Variants in ST6GALNAC3 observed in about 807,000 individuals in gnomAD.
ST6GALNAC3 encodes the protein alpha-N-acetylgalactosaminide alpha-2,6-sialyltransferase 3.
Under a neutral mutation model 32.7 loss-of-function variants are expected in ST6GALNAC3, and 25 were observed. The observed-to-expected ratio is 0.76, with a 90% CI of 0.56 to 1.07. ST6GALNAC3 has a LOEUF of 1.07. Among genes scored for constraint, ST6GALNAC3 ranks in the 50% least tolerant of loss-of-function variants. The probability of loss-of-function intolerance (pLI) is 0.00; values close to 1 mark genes in which losing one functional copy is unlikely to be tolerated. For missense variants in ST6GALNAC3, 355 were observed against 382.4 expected, an observed-to-expected ratio of 0.93 and a Z score of 0.60; for synonymous variants, 129 against 133.1, an observed-to-expected ratio of 0.97 and a Z score of 0.21.
At chr1:76,290,262 A>T (rs990819212) in intron 1 of ST6GALNAC3, among the ~76,000 whole-genome samples, 8 of 152,246 alleles carry the variant, frequency 5.3e-5, no homozygotes, top group African/African-American at 1.7e-4. Context: ...TATTTTAAAA[A>T]GTACACTATT....
intron 1 of ST6GALNAC3, among the ~76,000 whole-genome samples, chr1:76,199,333 T>C (rs1570406769): frequency 6.6e-6 from 1 of 152,232 alleles, no homozygotes; most frequent in Non-Finnish European, 1.5e-5. Context: ...GGCTTTATAA[T>C]GGAGACACAT....
At chr1:76,467,282 G>C (rs1658700617) in intron 3 of ST6GALNAC3, among the ~76,000 whole-genome samples, 1 of 151,926 alleles carries the variant, frequency 6.6e-6, no homozygotes, top group African/African-American at 2.4e-5. Context: ...TTGTGGCCAT[G>C]AACCGTGAAA....
chr1:76,126,503 A>G (rs1201218133), intron 1 of ST6GALNAC3, among the ~76,000 whole-genome samples: 2 of 150,206 alleles, frequency 1.3e-5, no homozygotes, highest in Admixed American at 1.3e-4. Context: ...CCTTGTAGAC[A>G]TAAGTGAATA....
In ST6GALNAC3 at chr1:76,169,112, G is replaced by A. The variant is rs146294212; in HGVS notation, c.18+94228G>A. Among the ~76,000 whole-genome samples, 98 of 152,160 alleles carry A rather than the reference G, an allele frequency of 6.4e-4. 3 individuals are homozygous for A. The highest frequency in any genetic ancestry group is 3.4e-3 in the Middle Eastern group (1 of 294). On this transcript the variant is annotated intron_variant, in intron 1 of 4. Coordinates refer to ENST00000328299, the MANE Select transcript of ST6GALNAC3 (RefSeq NM_152996.4). ...TAATGCTTTCCTTTCCATATTTAGCGTTTCCTTCATGAGCTGTTGTAAGGT... is the reference window on the plus strand; with the variant it reads ...TAATGCTTTCCTTTCCATATTTAGCATTTCCTTCATGAGCTGTTGTAAGGT...
intron 1 of ST6GALNAC3, among the ~76,000 whole-genome samples, chr1:76,246,038 G>C (rs1657238019): frequency 6.6e-6 from 1 of 152,170 alleles, no homozygotes; most frequent in Non-Finnish European, 1.5e-5. Context: ...TTGCATGGAA[G>C]TCTAAGTGTC....
intron 1 of ST6GALNAC3, among the ~76,000 whole-genome samples, chr1:76,272,588 T>C (rs74092742): frequency 0.042 from 6,393 of 152,252 alleles, 443 homozygotes; most frequent in African/African-American, 0.15. Flanking sequence ...TCCTCCTTGG[T>C]GCTGCTCTGA....
At chr1:76,583,050 A>G (rs1646913846) in intron 3 of ST6GALNAC3, among the ~76,000 whole-genome samples, 1 of 152,192 alleles carries the variant, frequency 6.6e-6, no homozygotes, top group Non-Finnish European at 1.5e-5. Context: ...CTGTTAATAT[A>G]TAATTTTTCA....
chr1:76,285,476 G>C (rs1659726806), intron 1 of ST6GALNAC3, among the ~76,000 whole-genome samples: 1 of 151,918 alleles, frequency 6.6e-6, no homozygotes, highest in African/African-American at 2.4e-5. Flanking sequence ...GGCCGTGGCA[G>C]TTTTAGGGCT....
At chr1:76,497,020 G>A (rs1660891769) in intron 3 of ST6GALNAC3, among the ~76,000 whole-genome samples, 2 of 152,166 alleles carry the variant, frequency 1.3e-5, no homozygotes, top group Admixed American at 6.6e-5. Context: ...TTTCATTTAT[G>A]TAGAAGGATT....
At chr1:76,223,192 A>G (rs1402937569) in intron 1 of ST6GALNAC3, among the ~76,000 whole-genome samples, 48 of 152,172 alleles carry the variant, frequency 3.2e-4, no homozygotes, top group Admixed American at 3.1e-3. Flanking sequence ...CATATACACC[A>G]TGGAATACTA....
intron 2 of ST6GALNAC3, among the ~76,000 whole-genome samples, chr1:76,377,207 A>G (rs1028968381): frequency 6.6e-6 from 1 of 152,232 alleles, no homozygotes; most frequent in Non-Finnish European, 1.5e-5. Flanking sequence ...CTTTTAGGGC[A>G]TGACTGAGAA....
intron 3 of ST6GALNAC3, among the ~76,000 whole-genome samples, chr1:76,424,375 C>G (rs1394345595): frequency 6.6e-6 from 1 of 151,720 alleles, no homozygotes; most frequent in Non-Finnish European, 1.5e-5. Flanking sequence ...GACTATATAA[C>G]TGGTTCATCA....
chr1:76,567,307 A>T (rs111271692), intron 3 of ST6GALNAC3, among the ~76,000 whole-genome samples: 1,892 of 152,276 alleles, frequency 0.012, 39 homozygotes, highest in African/African-American at 0.043. Flanking sequence ...CTCTGAAATT[A>T]TGCATATTCA....
At chr1:76,295,361 G>A (rs1044277072) in intron 1 of ST6GALNAC3, among the ~76,000 whole-genome samples, 4 of 152,038 alleles carry the variant, frequency 2.6e-5, no homozygotes, top group Admixed American at 2.6e-4. Context: ...GGAAATGTTG[G>A]ACCTCGGTAC....
intron 1 of ST6GALNAC3, among the ~76,000 whole-genome samples, chr1:76,223,625 A>G (rs1425681003): frequency 6.6e-6 from 1 of 152,184 alleles, no homozygotes; most frequent in Non-Finnish European, 1.5e-5. Flanking sequence ...GCTTGTATAA[A>G]TCCATATTAC....
chr1:76,581,101 A>G (rs892871613), intron 3 of ST6GALNAC3, among the ~76,000 whole-genome samples: 1 of 152,056 alleles, frequency 6.6e-6, no homozygotes, highest in African/African-American at 2.4e-5. Flanking sequence ...TTTAGTGCTG[A>G]GATTTCATGG....
At chr1:76,267,355 C>T (rs12028135) in intron 1 of ST6GALNAC3, among the ~76,000 whole-genome samples, 28,779 of 152,130 alleles carry the variant, frequency 0.19, 3,446 homozygotes, top group East Asian at 0.5. Context: ...CCAGCCCACT[C>T]GAGCTCTGTC....
chr1:76,608,903 G>T (rs2764654), intron 3 of ST6GALNAC3, among the ~76,000 whole-genome samples: 10 of 152,062 alleles, frequency 6.6e-5, no homozygotes, highest in African/African-American at 2.4e-4. Flanking sequence ...TAAAACTGGT[G>T]GTCCAGTCTT....
chr1:76,308,480 A>C (rs1360442249), intron 1 of ST6GALNAC3, among the ~76,000 whole-genome samples: 1 of 152,144 alleles, frequency 6.6e-6, no homozygotes, highest in African/African-American at 2.4e-5. Flanking sequence ...CTGTTGTTTA[A>C]TCTAATTGGT....
Sources: gnomAD v4.1 joint callset for allele counts (sites outside exome capture counted in the v4.1 genomes callset) on GRCh38, gnomAD v4.1.1 for gene constraint, MANE v1.5 for transcripts, NCBI Gene and HGNC (gene_info 2026-07-23, HGNC 2026-07-21) for gene names.